Variants in IQSEC1 observed in about 807,000 individuals in gnomAD.
The protein encoded by IQSEC1 is IQ motif and SEC7 domain-containing protein 1.
In IQSEC1, 31 loss-of-function variants were observed where a neutral mutation model predicts 91.0. The observed-to-expected ratio is 0.34, with a 90% CI of 0.26 to 0.46. The LOEUF is 0.46. Among genes scored for constraint, IQSEC1 ranks in the 20% least tolerant of loss-of-function variants. The probability of loss-of-function intolerance (pLI) is 1.00; values close to 1 mark genes in which losing one functional copy is unlikely to be tolerated. For missense variants in IQSEC1, 1,388 were observed against 1,575.6 expected, an observed-to-expected ratio of 0.88 and a Z score of 2.02; for synonymous variants, 699 against 662.6, an observed-to-expected ratio of 1.05 and a Z score of -0.84.
At chr3:12,926,254 G>A (rs1697115675) in intron 3 of IQSEC1, among the ~76,000 whole-genome samples, 2 of 151,858 alleles carry the variant, frequency 1.3e-5, no homozygotes, top group Non-Finnish European at 2.9e-5. Context: ...AGGTTACGGT[G>A]AGCCGAGATT....
At chr3:12,984,278 G>A (rs961342079) in intron 1 of IQSEC1, among the ~76,000 whole-genome samples, 3 of 152,182 alleles carry the variant, frequency 2.0e-5, no homozygotes, top group Non-Finnish European at 4.4e-5. Flanking sequence ...AGATAGGGAG[G>A]AGACCCCATG....
chr3:13,278,546 T>C (rs1459131201), intron 1 of IQSEC1, among the ~76,000 whole-genome samples: 2 of 152,054 alleles, frequency 1.3e-5, no homozygotes, highest in East Asian at 1.9e-4. Context: ...AGGCTGGGTG[T>C]GGTGGCTCAC....
rs766789032 is a variant in IQSEC1 at position 13,103,727 on chromosome 3, G to A, written c.303-56205C>T. On this transcript the variant is annotated intron_variant, in intron 2 of 15. Transcript: ENST00000648114. The surrounding 1 kb of genome is among the most constrained non-coding windows in gnomAD (Gnocchi z 4.1). ...GGGAAGGTTGGAGGCCTGACCCCCA[G>A]AGGGTGCGCCTCCTACCCCTGGGAG... is the stretch of plus-strand genomic sequence containing the variant. Among the ~76,000 whole-genome samples, 1 of 152,130 alleles carries A rather than the reference G, an allele frequency of 6.6e-6. No homozygotes were observed. Among genetic ancestry groups the A allele is most frequent in the African/African-American group, 2.4e-5 (1 of 41,424 alleles).
At chr3:12,956,766 C>T (rs142508392) in intron 1 of IQSEC1, among the ~76,000 whole-genome samples, 5 of 152,162 alleles carry the variant, frequency 3.3e-5, no homozygotes, top group African/African-American at 9.7e-5. Context: ...GGGAGCTCTA[C>T]GTGCAATCGG....
intron 1 of IQSEC1, among the ~76,000 whole-genome samples, chr3:13,250,603 A>ATTTAT (rs201541847): frequency 0.025 from 3,369 of 134,768 alleles, 70 homozygotes; most frequent in Admixed American, 0.057. Context: ...CACCCAGATA[A>ATTTAT]TTTATTTTAT....
intron 1 of IQSEC1, among the ~76,000 whole-genome samples, chr3:13,068,632 T>A (rs1378707154): frequency 6.6e-6 from 1 of 152,016 alleles, no homozygotes. Flanking sequence ...CCCCTTTACC[T>A]CTCTTCTTGG....
At chr3:13,145,677 T>C (rs1231802462) in intron 2 of IQSEC1, among the ~76,000 whole-genome samples, 2 of 151,922 alleles carry the variant, frequency 1.3e-5, no homozygotes, top group African/African-American at 4.8e-5. Flanking sequence ...TGTGTGAGCA[T>C]CCAACCACAC....
chr3:12,897,827 GGGAAA>G lies in IQSEC1; in HGVS notation c.*3151_*3155del, dbSNP rs1415955212. Reference sequence around the variant, plus strand: ...GGCTCCTGCTGCATGCAGTGTGTGAGGGAAAGATCACTGCACTGGGTGCTGAAGAC... The same window carrying G: ...GGCTCCTGCTGCATGCAGTGTGTGAGGATCACTGCACTGGGTGCTGAAGAC... On this transcript the variant is annotated 3_prime_UTR_variant, in exon 14 of 14. Coordinates refer to ENST00000613206, the MANE Select transcript of IQSEC1 (RefSeq NM_001134382.3). 6.6e-6 allele frequency: 1 copy of G among 152,214 alleles called. No homozygotes were observed. The highest frequency in any genetic ancestry group is 1.9e-4 in the East Asian group (1 of 5,204). The allele number at this position is 152,214 out of a possible 1,614,324, so 9.4% of individuals were successfully genotyped here.
chr3:12,929,674 C>T lies in IQSEC1; in HGVS notation c.1569-4932G>A, dbSNP rs115804909. On this transcript the variant is annotated intron_variant, in intron 3 of 13. Coordinates refer to ENST00000613206, the MANE Select transcript of IQSEC1 (RefSeq NM_001134382.3). ...CTGCAGTCACCCCATTCCCACAGTCCCTTTGTGTATACCCGTTACTCTTTC... is the reference window on the plus strand; with the variant it reads ...CTGCAGTCACCCCATTCCCACAGTCTCTTTGTGTATACCCGTTACTCTTTC... Among the ~76,000 whole-genome samples, 506 of 152,280 alleles carry T rather than the reference C, an allele frequency of 3.3e-3. 4 individuals carry two copies. The highest frequency in any genetic ancestry group is 0.012 in the African/African-American group (486 of 41,538).
chr3:12,906,991 G>A (rs114393585), intron 12 of IQSEC1, among the ~76,000 whole-genome samples: 228 of 152,318 alleles, frequency 1.5e-3, no homozygotes, highest in African/African-American at 5.1e-3. Flanking sequence ...GGGGATACCT[G>A]GCAATTTCTG....
At chr3:13,095,684 G>C (rs1439710389) in intron 2 of IQSEC1, among the ~76,000 whole-genome samples, 1 of 152,142 alleles carries the variant, frequency 6.6e-6, no homozygotes, top group Non-Finnish European at 1.5e-5. Flanking sequence ...TGTAAAAGAG[G>C]TGGGGACGTC....
At chr3:13,039,608 T>C (rs1435995840) in intron 1 of IQSEC1, among the ~76,000 whole-genome samples, 1 of 152,210 alleles carries the variant, frequency 6.6e-6, no homozygotes, top group Non-Finnish European at 1.5e-5. Context: ...TTCCAGCATT[T>C]ACCCTTGAAA....
In IQSEC1 at chr3:13,282,354, G is replaced by T. The variant is rs1695808403; in HGVS notation, c.272+357C>A. On this transcript the variant is annotated intron_variant, in intron 1 of 15. Coordinates refer to the IQSEC1 transcript ENST00000648114. The surrounding 1 kb of genome is among the most constrained non-coding windows in gnomAD (Gnocchi z 6.4). Reference sequence around the variant, plus strand: ...TCGGAAGTTCTCGCCCTGCTGCTCCGAGACCTAGGTCCGCTCCCCGGACAG... The same window carrying T: ...TCGGAAGTTCTCGCCCTGCTGCTCCTAGACCTAGGTCCGCTCCCCGGACAG... Among the ~76,000 whole-genome samples the T allele has an allele frequency of 6.6e-6, 1 of 152,102 alleles. No individual in the cohort carries two copies. The highest frequency in any genetic ancestry group is 6.5e-5 in the Admixed American group (1 of 15,284).
chr3:13,015,819 T>C (rs2124940746), intron 1 of IQSEC1: 1 of 694,286 alleles, frequency 1.4e-6, no homozygotes, highest in Non-Finnish European at 1.8e-6. Flanking sequence ...CTTCCAGGTC[T>C]GGCAAACCCA....
At position 13,134,336 on chromosome 3, in the gene IQSEC1, G is replaced by T. The variant is rs114319571; in HGVS notation, c.302+29768C>A. 2.6e-3 allele frequency among the ~76,000 whole-genome samples: 396 copies of T among 152,318 alleles called. 5 individuals are homozygous for T. Among genetic ancestry groups the T allele is most frequent in the African/African-American group, 8.9e-3 (372 of 41,566 alleles). ...TCCTACCCTGAGTCTCCGCTCACTG[G>T]TGATCCCATACAGTGGGAGCCAGAG... On this transcript the variant is annotated intron_variant, in intron 2 of 15. Transcript: ENST00000648114.
rs1704741721 is a variant in IQSEC1, at chr3:13,052,901, T to G, written c.23+20091A>C. The G allele has an allele frequency of 1.3e-5, 10 of 792,776 alleles. No individual in the cohort carries two copies. In the East Asian group the frequency reaches 2.2e-4, roughly 17 times the overall value. The allele number at this position is 792,776 out of a possible 1,614,324, so 49.1% of individuals were successfully genotyped here. A position where few individuals can be genotyped will look rare whatever the true frequency, so the allele number is the denominator to read the frequency against. ...CCAGATAGTGGTGACATTTTCTGCT[T>G]GATACGGCAACATGATTGTGACCTT... On this transcript the variant is annotated intron_variant, in intron 1 of 13. Transcript: ENST00000613206.
intron 6 of IQSEC1, 126 bp from the exon 7 acceptor site, chr3:12,915,859 GC>G: frequency 9.2e-7 from 1 of 1,087,776 alleles, no homozygotes; most frequent in Non-Finnish European, 1.3e-6. Flanking sequence ...TCCCAGGCAG[GC>G]CCACAGCAAC....
At chr3:13,232,284 G>A (rs1476750602) in intron 1 of IQSEC1, among the ~76,000 whole-genome samples, 1 of 152,208 alleles carries the variant, frequency 6.6e-6, no homozygotes, top group Admixed American at 6.5e-5. Flanking sequence ...GGGCCAAGGT[G>A]CCCAGCTAGC....
rs1367013560 is a variant in IQSEC1 at position 12,913,483 on chromosome 3, G to A, written c.2261C>T (p.Pro754Leu). 6.2e-7 allele frequency: 1 copy of A among 1,608,462 alleles called. No individual in the cohort carries two copies. The highest frequency in any genetic ancestry group is 1.3e-5 in the African/African-American group (1 of 74,780). ...TCGCTGGTGTAGTCCGAGTTTCTGGGGCTTGTTTGGGTCTGGAACCTCAAA... is the reference window on the plus strand; with the variant it reads ...TCGCTGGTGTAGTCCGAGTTTCTGGAGCTTGTTTGGGTCTGGAACCTCAAA... ...RLFEVPDPNK[P>L]QKLGLHQREI... Residue 754 changes from proline to leucine, a missense_variant, in exon 9 of 14, where the codon CCC becomes CTC. Pro to Leu is a moderately conservative substitution (Grantham distance 98, BLOSUM62 -3). Coordinates refer to ENST00000613206, the MANE Select transcript of IQSEC1 (RefSeq NM_001134382.3).
Sources: allele counts gnomAD v4.1 joint callset (sites outside exome capture counted in the v4.1 genomes callset), GRCh38; gene constraint gnomAD v4.1.1; non-coding constraint Gnocchi (gnomAD v3.1); transcripts MANE v1.5; gene names NCBI Gene and HGNC (gene_info 2026-07-23, HGNC 2026-07-21).